CSMD1: variants seen among roughly 807,000 people sequenced by gnomAD.
CSMD1 encodes CUB and sushi domain-containing protein 1.
CSMD1 carries 213 observed loss-of-function variants against 417.5 expected under a neutral mutation model. The observed-to-expected ratio is 0.51, with a 90% CI of 0.46 to 0.57. The LOEUF is 0.57. CSMD1 is among the 20% of genes least tolerant of loss of function. CSMD1 has a pLI of 0.00. For missense variants in CSMD1, 6,923 were observed against 4,529.7 expected (o/e 1.53, Z -15.17); for synonymous variants, 2,862 against 1,736.8 (o/e 1.65, Z -16.11).
intron 5 of CSMD1, among the ~76,000 whole-genome samples, chr8:3,965,135 T>C (rs1812582677): frequency 6.6e-6 from 1 of 152,200 alleles, no homozygotes; most frequent in South Asian, 2.1e-4. Context: ...AATTGTGTTA[T>C]TAATATTTTA....
intron 5 of CSMD1, among the ~76,000 whole-genome samples, chr8:3,972,995 A>C (rs1421792865): frequency 6.6e-6 from 1 of 152,268 alleles, no homozygotes; most frequent in African/African-American, 2.4e-5. Flanking sequence ...TTTACTGCTT[A>C]AATTTTACAT....
At chr8:4,727,760 G>A (rs977639766) in intron 1 of CSMD1, among the ~76,000 whole-genome samples, 1 of 151,610 alleles carries the variant, frequency 6.6e-6, no homozygotes, top group Non-Finnish European at 1.5e-5. Context: ...TCTCAGTTAA[G>A]GGCTGCTCTC....
rs144474995 is a variant in CSMD1 at position 3,830,617 on chromosome 8, T to A, written c.819-76575A>T. On this transcript the variant is annotated intron_variant, in intron 5 of 69. Transcript: ENST00000635120. ...TGCAAGCAACACTGGCAGAAAAATA[T>A]TGATTTAATGCTCTGCCATGGCCAA... is the stretch of plus-strand genomic sequence containing the variant. Among the ~76,000 whole-genome samples, 202 of 152,288 alleles carry A rather than the reference T, an allele frequency of 1.3e-3. 1 individual carries two copies. Among genetic ancestry groups the A allele is most frequent in the African/African-American group, 4.6e-3 (191 of 41,576 alleles).
chr8:4,918,773 G>A (rs1351070138), intron 1 of CSMD1, among the ~76,000 whole-genome samples: 1 of 151,954 alleles, frequency 6.6e-6, no homozygotes, highest in East Asian at 1.9e-4. Context: ...TGTGCATATG[G>A]AATTTTAAAT....
chr8:2,995,590 G>C (rs647726), intron 54 of CSMD1, among the ~76,000 whole-genome samples: 24,461 of 152,016 alleles, frequency 0.16, 3,248 homozygotes, highest in African/African-American at 0.37. Context: ...ACACAAAATC[G>C]TGTTCATAAC....
chr8:4,457,796 G>C (rs1272051800), intron 2 of CSMD1, among the ~76,000 whole-genome samples: 1 of 152,132 alleles, frequency 6.6e-6, no homozygotes, highest in East Asian at 1.9e-4. Flanking sequence ...GTCCCTCTTA[G>C]CTGGCTTCTC....
intron 1 of CSMD1, among the ~76,000 whole-genome samples, chr8:4,746,289 G>C (rs952804696): frequency 6.6e-6 from 1 of 152,160 alleles, no homozygotes; most frequent in Non-Finnish European, 1.5e-5. Flanking sequence ...TTAGAGCCTG[G>C]TGCCCTTTTT....
intron 5 of CSMD1, among the ~76,000 whole-genome samples, chr8:3,805,948 A>C (rs1467380370): frequency 6.6e-6 from 1 of 152,138 alleles, no homozygotes; most frequent in East Asian, 1.9e-4. Context: ...TGCTCTTGAA[A>C]GGCTCCTTCT....
chr8:4,352,381 T>C (rs1435335604), intron 3 of CSMD1, among the ~76,000 whole-genome samples: 4 of 152,206 alleles, frequency 2.6e-5, no homozygotes, highest in Non-Finnish European at 5.9e-5. Flanking sequence ...GCAATAAATA[T>C]GTCTGTAGAT....
At chr8:3,965,090 T>G (rs1301623896) in intron 5 of CSMD1, among the ~76,000 whole-genome samples, 1 of 152,208 alleles carries the variant, frequency 6.6e-6, no homozygotes, top group Non-Finnish European at 1.5e-5. Flanking sequence ...AGTAGCTGAC[T>G]TAGTAAATGG....
At chr8:3,434,529 G>C (rs753909178) in intron 12 of CSMD1, among the ~76,000 whole-genome samples, 1 of 152,074 alleles carries the variant, frequency 6.6e-6, no homozygotes, top group Admixed American at 6.5e-5. Flanking sequence ...GTTCTGCCTT[G>C]ATTATGAAGT....
At chr8:4,614,977 T>A (rs549370947) in intron 2 of CSMD1, among the ~76,000 whole-genome samples, 1 of 152,310 alleles carries the variant, frequency 6.6e-6, no homozygotes, top group South Asian at 2.1e-4. Flanking sequence ...GTCGTATTTG[T>A]AGTACAAAGT....
intron 55 of CSMD1, among the ~76,000 whole-genome samples, chr8:2,975,419 T>G (rs1236742752): frequency 6.6e-6 from 1 of 152,180 alleles, no homozygotes. Flanking sequence ...TACCAAGGAA[T>G]TACTCAAAGG....
intron 21 of CSMD1, among the ~76,000 whole-genome samples, chr8:3,353,125 A>G (rs997130965): frequency 9.2e-5 from 14 of 152,250 alleles, no homozygotes; most frequent in African/African-American, 3.4e-4. Flanking sequence ...ATTGGCAGAT[A>G]GGAAATAATC....
At chr8:4,960,104 C>A (rs980797653) in intron 1 of CSMD1, among the ~76,000 whole-genome samples, 5 of 152,076 alleles carry the variant, frequency 3.3e-5, no homozygotes, top group Non-Finnish European at 5.9e-5. Context: ...ATAATGAATA[C>A]ATTTTTAGGA....
intron 3 of CSMD1, among the ~76,000 whole-genome samples, chr8:4,410,835 A>T (rs1053292531): frequency 6.6e-6 from 1 of 152,210 alleles, no homozygotes; most frequent in Admixed American, 6.5e-5. Context: ...CCACCAAAAC[A>T]TGTTGAAATT....
At chr8:4,809,868 C>T (rs895066229) in intron 1 of CSMD1, among the ~76,000 whole-genome samples, 3 of 152,168 alleles carry the variant, frequency 2.0e-5, no homozygotes, top group South Asian at 2.1e-4. Flanking sequence ...ATGGGGCAAG[C>T]GGTTGCCATA....
intron 49 of CSMD1, among the ~76,000 whole-genome samples, chr8:3,082,737 T>C (rs922400615): frequency 1.3e-5 from 2 of 152,174 alleles, no homozygotes; most frequent in African/African-American, 2.4e-5. Context: ...TACTCTTGAA[T>C]ACAAAAAGAA....
chr8:4,585,605 GA>G (rs1393284087), intron 2 of CSMD1, among the ~76,000 whole-genome samples: 1 of 151,932 alleles, frequency 6.6e-6, no homozygotes, highest in Non-Finnish European at 1.5e-5. Flanking sequence ...ATTACAAAGA[GA>G]AAAATTTTAA....
Sources: allele counts gnomAD v4.1 joint callset (sites outside exome capture counted in the v4.1 genomes callset), GRCh38; gene constraint gnomAD v4.1.1; transcripts MANE v1.5; gene names NCBI Gene and HGNC (gene_info 2026-07-23, HGNC 2026-07-21).